The following GDE1 variants were observed in gnomAD, a reference collection of about 807,000 sequenced individuals.
GDE1 encodes the protein RGS16-interacting membrane protein.
GDE1 carries 24 observed loss-of-function variants against 32.2 expected under a neutral mutation model. The observed-to-expected ratio is 0.75, with a 90% confidence interval of 0.54 to 1.05. The LOEUF (loss-of-function observed/expected upper bound fraction) is 1.05, where lower values mean the gene tolerates loss of function less well. GDE1 is among the 50% of genes least tolerant of loss of function. The pLI, the probability that GDE1 is intolerant of heterozygous loss-of-function variation, is 0.00. For missense variants in GDE1, 380 were observed against 415.0 expected, an observed-to-expected ratio of 0.92 and a Z score of 0.73; for synonymous variants, 159 against 158.6, an observed-to-expected ratio of 1.00 and a Z score of -0.02.
At position 19,521,756 on chromosome 16, in the gene GDE1, T is replaced by C. The variant is rs1323262977; in HGVS notation, c.209A>G (p.His70Arg). Residue 70 changes from histidine to arginine, a missense_variant, in exon 1 of 6, where the codon CAC (histidine) becomes CGC (arginine). Coordinates refer to ENST00000353258, the MANE Select transcript of GDE1 (RefSeq NM_016641.4). ...KPRDRISAIA[H>R]RGGSHDAPEN... ...GGGCGCGTCGTGGCTGCCGCCACGG[T>C]GGGCGATGGCAGAAATGCGGTCCCG... The C allele has an allele frequency of 6.2e-7, 1 of 1,611,764 alleles. No homozygotes were observed. The highest frequency in any genetic ancestry group is 8.5e-7 in the Non-Finnish European group (1 of 1,179,554).
chr16:19,513,285 TGTTTTGTA>T (rs1382053988), intron 2 of GDE1, among the ~76,000 whole-genome samples: 1 of 152,148 alleles, frequency 6.6e-6, no homozygotes, highest in Non-Finnish European at 1.5e-5. Context: ...TTCTCATCAG[TGTTTTGTA>T]GTTTTCCTTG....
At chr16:19,511,642 T>C (rs1162373063) in intron 2 of GDE1, among the ~76,000 whole-genome samples, 4 of 152,172 alleles carry the variant, frequency 2.6e-5, no homozygotes, top group African/African-American at 9.7e-5. Flanking sequence ...TATTGAACAC[T>C]AGAATTTATA....
At chr16:19,516,562 GCTATT>G (rs1969382886) in intron 2 of GDE1, among the ~76,000 whole-genome samples, 1 of 152,164 alleles carries the variant, frequency 6.6e-6, no homozygotes, top group African/African-American at 2.4e-5. Context: ...ACTGCAAAGT[GCTATT>G]CTAGATGATT....
chr16:19,509,070 G>C (rs1005323586), intron 3 of GDE1, among the ~76,000 whole-genome samples: 1 of 152,200 alleles, frequency 6.6e-6, no homozygotes, highest in Non-Finnish European at 1.5e-5. Flanking sequence ...GGGAGGCCAA[G>C]GTGGGCGGAT....
intron 5 of GDE1, chr16:19,504,582 T>C (rs1375690165): frequency 1.4e-5 from 4 of 288,050 alleles, no homozygotes; most frequent in African/African-American, 2.2e-5. Flanking sequence ...GATCCTGTGT[T>C]GGCTTTCAAA....
rs1021123155 is a variant in GDE1 at position 19,522,003 on chromosome 16, C to T, written c.-39G>A. 13 of 1,507,046 alleles carry T rather than the reference C, an allele frequency of 8.6e-6. No individual in the cohort carries two copies. The South Asian group carries it at 1.6e-4, about 19-fold the overall frequency. The allele number at this position is 1,507,046 out of a possible 1,614,324, so 93.4% of individuals were successfully genotyped here. On this transcript the variant is annotated 5_prime_UTR_variant, in exon 1 of 6. Coordinates refer to ENST00000353258, the MANE Select transcript of GDE1 (RefSeq NM_016641.4). ...CCGGCACGGACGGGAGTCCCGGACC[C>T]GCCGGGCTCCTGGGGCAGTAGAACG...
At chr16:19,521,565 G>A (rs1244196436) in intron 1 of GDE1, 139 bp downstream of exon 1, 5 of 900,232 alleles carry the variant, frequency 5.6e-6, no homozygotes, top group Admixed American at 5.7e-5. Flanking sequence ...CACTGGGAGC[G>A]ATCAAGGGCC....
chr16:19,518,107 C>T (rs780019080), intron 1 of GDE1, among the ~76,000 whole-genome samples: 4 of 152,000 alleles, frequency 2.6e-5, no homozygotes, highest in Non-Finnish European at 4.4e-5. Context: ...AGGCTGGTCT[C>T]GAACTCCTGA....
intron 5 of GDE1, chr16:19,504,339 G>A (rs1340756309): frequency 6.4e-6 from 1 of 155,628 alleles, no homozygotes; most frequent in African/African-American, 2.4e-5. Context: ...CAATAGTATA[G>A]GCACTTACCA....
Position 19,507,773 on chromosome 16 carries a change from CAGT to C in GDE1, c.547_549del (p.Thr183del), listed in dbSNP as rs780831210. 6 of 1,425,852 alleles carry C rather than the reference CAGT, an allele frequency of 4.2e-6. No individual in the cohort carries two copies. The Admixed American group carries it at 5.3e-5, about 13-fold the overall frequency. The allele number at this position is 1,425,852 out of a possible 1,614,324, so 88.3% of individuals were successfully genotyped here. On this transcript the variant is annotated inframe_deletion, in exon 4 of 6. Coordinates refer to ENST00000353258, the MANE Select transcript of GDE1 (RefSeq NM_016641.4). ...TCCATATACATTTTCTTTAGAGCCT[CAGT>C]AGCCTGTAAAATAAAGAGATTCATA...
rs1969309636 is a variant in GDE1 at position 19,510,885 on chromosome 16, T to C, written c.497A>G (p.Asn166Ser). 6.2e-7 allele frequency: 1 copy of C among 1,606,154 alleles called. No homozygotes were observed. Among genetic ancestry groups the C allele is most frequent in the Non-Finnish European group, 8.5e-7 (1 of 1,174,722 alleles). The stretch of plus-strand genomic sequence containing the variant: ...ATCAAAGAAGATTGTGAGGTTATGG[T>C]TTAGGCACTCTGCAACAGCTTCCCT... Reference protein sequence around the residue: ...TLREAVAECLNHNLTIFFDVK... With the variant: ...TLREAVAECLSHNLTIFFDVK... The change falls in exon 3 of 6, where the codon AAC becomes AGC. Residue 166 changes from asparagine to serine, a missense_variant. Physicochemically the swap from Asn to Ser is conservative, Grantham distance 46. Transcript: ENST00000353258.
chr16:19,510,797 G>T, intron 3 of GDE1, 42 bp downstream of exon 3: 1 of 835,510 alleles, frequency 1.2e-6, no homozygotes, highest in Non-Finnish European at 1.9e-6. Flanking sequence ...AATGAAATAA[G>T]ATGTCTTTTT....
intron 2 of GDE1, among the ~76,000 whole-genome samples, chr16:19,514,663 T>C (rs115151586): frequency 0.018 from 2,693 of 152,270 alleles, 91 homozygotes; most frequent in African/African-American, 0.062. Flanking sequence ...AAATGAAAAC[T>C]AAGTGCTTGA....
chr16:19,517,258 A>C, intron 1 of GDE1, 69 bp from the exon 2 acceptor site: 1 of 1,242,896 alleles, frequency 8.0e-7, no homozygotes, highest in African/African-American at 1.5e-5. Flanking sequence ...AACCACCCAA[A>C]AGACCAGCAG....
At chr16:19,506,034 A>G (rs932241823) in intron 4 of GDE1, among the ~76,000 whole-genome samples, 3 of 152,200 alleles carry the variant, frequency 2.0e-5, no homozygotes, top group Admixed American at 2.0e-4. Flanking sequence ...GCCAATGAGC[A>G]TCAATAGCAG....
In GDE1 at chr16:19,517,073, CA is replaced by C. The variant is rs1472909141; in HGVS notation, c.377del (p.Leu126CysfsTer4). On this transcript the variant is annotated frameshift_variant, in exon 2 of 6. Transcript: ENST00000353258. LOFTEE classifies it high-confidence loss of function. The stretch of plus-strand genomic sequence containing the variant: ...TAATTTGTTCAAATGTCAAATCACA[CA>C]ATCGCCCAGTCCCATCAGTCGTCCT... ...VDRTTDGTGR[L>X]CDLTFEQIRK... 3 of 1,614,202 alleles carry C rather than the reference CA, an allele frequency of 1.9e-6. No individual in the cohort carries two copies. The highest frequency in any genetic ancestry group is 2.5e-6 in the Non-Finnish European group (3 of 1,180,028).
chr16:19,517,212 T>G lies in GDE1; in HGVS notation c.262-23A>C, dbSNP rs1164631423. ...TGCCTTAACAAAAACATCAAGAATA[T>G]TACTGTCAAATGGCCACAAACATTA... On this transcript the variant is annotated intron_variant, in intron 1 of 5. Coordinates refer to ENST00000353258, the MANE Select transcript of GDE1 (RefSeq NM_016641.4). 2.5e-6 allele frequency: 4 copies of G among 1,592,318 alleles called. No homozygotes were observed. The African/African-American group carries it at 5.4e-5, about 21-fold the overall frequency.
chr16:19,508,987 T>A (rs1027964257), intron 3 of GDE1, among the ~76,000 whole-genome samples: 4 of 152,218 alleles, frequency 2.6e-5, no homozygotes, highest in African/African-American at 9.6e-5. Flanking sequence ...CTTTTTTAAA[T>A]GTCTACTTCT....
At chr16:19,513,772 T>G (rs1209267620) in intron 2 of GDE1, among the ~76,000 whole-genome samples, 1 of 152,370 alleles carries the variant, frequency 6.6e-6, no homozygotes, top group African/African-American at 2.4e-5. Flanking sequence ...AATGTAATCA[T>G]AAACTTCCCT....
Sources: gnomAD v4.1 joint callset for allele counts (sites outside exome capture counted in the v4.1 genomes callset) on GRCh38, gnomAD v4.1.1 for gene constraint, MANE v1.5 for transcripts, NCBI Gene and HGNC (gene_info 2026-07-23, HGNC 2026-07-21) for gene names.